Variants in CAND1 observed in about 807,000 individuals in gnomAD.
CAND1 encodes cullin-associated NEDD8-dissociated protein 1.
Under a neutral mutation model 108.5 loss-of-function variants are expected in CAND1, and 7 were observed. The observed-to-expected ratio is 0.06, with a 90% CI of 0.04 to 0.12. CAND1 has a LOEUF of 0.12. Ranked by LOEUF, CAND1 falls within the 10% of genes least tolerant of loss-of-function variation. The pLI is 1.00. For synonymous variants in CAND1, 534 were observed against 512.0 expected (o/e 1.04, Z -0.58); for missense variants, 941 against 1,448.7 (o/e 0.65, Z 5.69).
At chr12:67,309,241 C>T (rs1163370331) in intron 11 of CAND1, among the ~76,000 whole-genome samples, 1 of 151,954 alleles carries the variant, frequency 6.6e-6, no homozygotes, top group East Asian at 1.9e-4. Flanking sequence ...TTGCATTATA[C>T]TTTCTTGCCC....
rs2044931138 is a variant in CAND1 at position 67,309,951 on chromosome 12, G to T, written c.3076G>T (p.Ala1026Ser). 7.4e-6 allele frequency: 12 copies of T among 1,612,498 alleles called. No homozygotes were observed. The highest frequency in any genetic ancestry group is 1.0e-5 in the Non-Finnish European group (12 of 1,178,932). The change falls in exon 12 of 15, where the codon GCC becomes TCC. Residue 1026 changes from alanine to serine, a missense_variant. Physicochemically the swap from Ala to Ser is moderately conservative, Grantham distance 99 (BLOSUM62 1). Transcript: ENST00000545606. ...EDPDLNVRRV[A>S]LVTFNSAAHN... ...CCCAGATTTGAATGTGAGAAGAGTAGCCTTGGTCACATTTAATTCAGCAGC... is the reference window on the plus strand; with the variant it reads ...CCCAGATTTGAATGTGAGAAGAGTATCCTTGGTCACATTTAATTCAGCAGC...
At position 67,306,171 on chromosome 12, in the gene CAND1, C is replaced by T. The variant is rs1451992606; in HGVS notation, c.2503C>T (p.Arg835Cys). ...GAACTCAAGGTCTACAGATTCCATT[C>T]GTCTCTTAGCTCTACTTTCTCTTGG... ...VKNSRSTDSI[R>C]LLALLSLGEV... is the part of the protein sequence containing the mutation. Residue 835 changes from arginine (R) to cysteine (C), a missense_variant, in exon 10 of 15, where the codon CGT becomes TGT. By Grantham distance (180) the Arg-to-Cys change is radical (BLOSUM62 -3). This residue lies in a region of CAND1 where 697 missense variants were observed against 942.0 expected (regional missense o/e 0.74). Transcript: ENST00000545606. 1.2e-6 allele frequency: 2 copies of T among 1,614,076 alleles called. No individual in the cohort carries two copies. The highest frequency in any genetic ancestry group is 1.1e-5 in the South Asian group (1 of 91,066).
At chr12:67,276,904 A>G (rs1367881219) in intron 1 of CAND1, among the ~76,000 whole-genome samples, 1 of 152,182 alleles carries the variant, frequency 6.6e-6, no homozygotes, top group Non-Finnish European at 1.5e-5. Context: ...CATCTTCACT[A>G]TGGCGGAGAT....
At chr12:67,282,077 G>A in intron 2 of CAND1, 24 bp downstream of exon 2, 2 of 1,610,498 alleles carry the variant, frequency 1.2e-6, no homozygotes, top group Non-Finnish European at 1.7e-6. Flanking sequence ...TACTGGTTGA[G>A]TCTTTCTTCC....
chr12:67,281,156 A>G (rs1390940482), intron 1 of CAND1, among the ~76,000 whole-genome samples: 2 of 151,290 alleles, frequency 1.3e-5, no homozygotes, highest in African/African-American at 4.8e-5. Context: ...TTATTTTTGT[A>G]TAGTAAATAC....
At chr12:67,293,275 C>T (rs778758054) in intron 3 of CAND1, 3 of 153,200 alleles carry the variant, frequency 2.0e-5, no homozygotes, top group Non-Finnish European at 4.4e-5. Flanking sequence ...AAATTTAAAA[C>T]TATGATTAAT....
At chr12:67,279,752 T>C (rs2044602728) in intron 1 of CAND1, among the ~76,000 whole-genome samples, 1 of 152,162 alleles carries the variant, frequency 6.6e-6, no homozygotes, top group African/African-American at 2.4e-5. Flanking sequence ...AGTGAATAAA[T>C]AAACAATAAG....
intron 1 of CAND1, among the ~76,000 whole-genome samples, chr12:67,273,009 T>C (rs942946443): frequency 6.6e-6 from 1 of 152,148 alleles, no homozygotes; most frequent in East Asian, 1.9e-4. Flanking sequence ...GTTTTTTGTT[T>C]GTTTGTTTTA....
rs1411173730 is a variant in CAND1 at position 67,317,467 on chromosome 12, T to G, written c.*4637T>G. ...TGATTTCTTTTTTCTTTTTTTTTCT[T>G]TCTTAATTTTTTTTTTTTTTTTTTT... is the stretch of plus-strand genomic sequence containing the variant. On this transcript the variant is annotated 3_prime_UTR_variant, in exon 15 of 15. Transcript: ENST00000545606. 2 of 148,898 alleles carry G rather than the reference T, an allele frequency of 1.3e-5. No individual in the cohort carries two copies. The highest frequency in any genetic ancestry group is 6.7e-5 in the Admixed American group (1 of 14,916). 9.2% of individuals were successfully genotyped at this position (148,898 alleles called of 1,614,324 possible). A position where few individuals can be genotyped will look rare whatever the true frequency, so the allele number is the denominator to read the frequency against.
chr12:67,282,131 AATTATCTTAGCCTTGT>A, intron 2 of CAND1, 78 bp downstream of exon 2: 1 of 1,430,078 alleles, frequency 7.0e-7, no homozygotes, highest in East Asian at 2.3e-5. Context: ...ATAAGTAGTA[AATTATCTTAGCCTTGT>A]ACTATCTCTT....
In CAND1 at chr12:67,312,925, C is replaced by T. The variant is rs1439616671; in HGVS notation, c.*95C>T. On this transcript the variant is annotated 3_prime_UTR_variant, in exon 15 of 15. Coordinates refer to ENST00000545606, the MANE Select transcript of CAND1 (RefSeq NM_018448.5). ...ACATGGAAAGAGAAGTGTCTAAAAG[C>T]TTCAAAATGTTCCACTTTTTTTTCC... is the stretch of plus-strand genomic sequence containing the variant. 1 of 793,254 alleles carries T rather than the reference C, an allele frequency of 1.3e-6. No individual in the cohort carries two copies. The highest frequency in any genetic ancestry group is 2.3e-5 in the South Asian group (1 of 43,622). 49.1% of individuals were successfully genotyped at this position (793,254 alleles called of 1,614,324 possible). A position where few individuals can be genotyped will look rare whatever the true frequency, so the allele number is the denominator to read the frequency against.
At chr12:67,311,821 A>G (rs375023237) in intron 14 of CAND1, 21 bp downstream of exon 14, 57 of 1,419,356 alleles carry the variant, frequency 4.0e-5, no homozygotes, top group Admixed American at 1.5e-4. Context: ...ATAAGTATCA[A>G]CCTAGGTCAG....
At chr12:67,302,664 T>A (rs377456400) in intron 8 of CAND1, 49 bp downstream of exon 8, 45 of 1,502,324 alleles carry the variant, frequency 3.0e-5, no homozygotes, top group Non-Finnish European at 3.7e-5. Flanking sequence ...AATGCAATGC[T>A]TTTAAAATTG....
chr12:67,297,386 CTTTTTT>C lies in CAND1; in HGVS notation c.492-19_492-14del, dbSNP rs754310023. On this transcript the variant is annotated splice_polypyrimidine_tract_variant and intron_variant, in intron 4 of 14. Transcript: ENST00000545606. ...CTTGAATTCATTTGTTGTTTTCTTTCTTTTTTTATTTTATTTTAAGGCAAGGAGGAC... is the reference window on the plus strand; with the variant it reads ...CTTGAATTCATTTGTTGTTTTCTTTCTATTTTATTTTAAGGCAAGGAGGAC... 4 of 1,598,836 alleles carry C rather than the reference CTTTTTT, an allele frequency of 2.5e-6. No homozygotes were observed. Among genetic ancestry groups the C allele is most frequent in the Admixed American group, 3.5e-5 (2 of 57,046 alleles).
chr12:67,304,663 G>A lies in CAND1; in HGVS notation c.1352G>A (p.Arg451Gln). The A allele has an allele frequency of 6.2e-7, 1 of 1,613,824 alleles. No individual in the cohort carries two copies. Among genetic ancestry groups the A allele is most frequent in the Non-Finnish European group, 8.5e-7 (1 of 1,179,896 alleles). Residue 451 changes from arginine (R) to glutamine (Q), a missense_variant, in exon 9 of 15, where the codon CGA (arginine) becomes CAA (glutamine). Physicochemically the swap from Arg to Gln is conservative, Grantham distance 43 (BLOSUM62 1). Around this residue, in one of 9 missense-constraint regions of CAND1, gnomAD observed 697 missense variants for 942.0 expected, o/e 0.74. Transcript: ENST00000545606. ...ATGAAAGAAAAAAGTGTGAAGACCC[G>A]ACAGTGTTGTTTTAACATGTTAACT... ...KQMKEKSVKT[R>Q]QCCFNMLTEL... is the part of the protein sequence containing the mutation.
chr12:67,269,378 T>G lies in CAND1; in HGVS notation c.-340T>G. On this transcript the variant is annotated 5_prime_UTR_variant, in exon 1 of 15. Coordinates refer to ENST00000545606, the MANE Select transcript of CAND1 (RefSeq NM_018448.5). ...TTGGCCTTTTGCCCTAGGGAGCGAG[T>G]GCGGAGCGAGTGGGAGCGAGACGGC... is the stretch of plus-strand genomic sequence containing the variant. 3.2e-6 allele frequency: 1 copy of G among 311,148 alleles called. No individual in the cohort carries two copies. The highest frequency in any genetic ancestry group is 5.9e-6 in the Non-Finnish European group (1 of 168,598). 19.3% of individuals were successfully genotyped at this position (311,148 alleles called of 1,614,324 possible). A position where few individuals can be genotyped will look rare whatever the true frequency, so the allele number is the denominator to read the frequency against.
chr12:67,302,759 T>C, intron 8 of CAND1, 144 bp downstream of exon 8: 1 of 643,172 alleles, frequency 1.6e-6, no homozygotes, highest in Non-Finnish European at 2.7e-6. Flanking sequence ...TGCATGTTCA[T>C]ATTATGTTAG....
chr12:67,292,905 G>A, intron 3 of CAND1, 129 bp downstream of exon 3: 1 of 763,476 alleles, frequency 1.3e-6, no homozygotes, highest in Non-Finnish European at 2.2e-6. Context: ...GAATCCCTTT[G>A]GACAATTAAG....
chr12:67,292,263 A>G (rs1170960400), intron 2 of CAND1, among the ~76,000 whole-genome samples: 2 of 152,172 alleles, frequency 1.3e-5, no homozygotes, highest in Non-Finnish European at 2.9e-5. Flanking sequence ...GCTTGAGCCC[A>G]GGAGTTCAAG....
Sources: allele counts gnomAD v4.1 joint callset (sites outside exome capture counted in the v4.1 genomes callset), GRCh38; gene constraint gnomAD v4.1.1; regional missense constraint gnomAD v4.1.1; transcripts MANE v1.5; gene names NCBI Gene and HGNC (gene_info 2026-07-23, HGNC 2026-07-21).